Variants in GRID2 observed in about 807,000 individuals in gnomAD.
GRID2 encodes the protein glutamate ionotropic receptor delta type subunit 2, also known as glutamate receptor ionotropic, delta-2.
In GRID2, 33 loss-of-function variants were observed where a neutral mutation model predicts 114.8. That is an observed-to-expected ratio of 0.29 (90% CI 0.22 to 0.38). The LOEUF (loss-of-function observed/expected upper bound fraction) is 0.38. Among genes scored for constraint, GRID2 ranks in the 10% least tolerant of loss-of-function variants. The probability of loss-of-function intolerance (pLI) is 1.00; values close to 1 mark genes in which losing one functional copy is unlikely to be tolerated. For missense variants in GRID2, 1,184 were observed against 1,257.7 expected (o/e 0.94, Z 0.89); for synonymous variants, 505 against 449.9 (o/e 1.12, Z -1.55).
intron 14 of GRID2, among the ~76,000 whole-genome samples, chr4:93,657,434 A>C (rs1723118203): frequency 6.6e-6 from 1 of 152,160 alleles, no homozygotes; most frequent in Non-Finnish European, 1.5e-5. Context: ...AGCTCCCACC[A>C]AATCCTAAAA....
intron 2 of GRID2, among the ~76,000 whole-genome samples, chr4:92,652,740 G>T (rs1307500679): frequency 2.8e-5 from 4 of 142,806 alleles, no homozygotes; most frequent in African/African-American, 1.0e-4. Flanking sequence ...GGAGGCTGGG[G>T]GGGTTGGGGG....
intron 10 of GRID2, among the ~76,000 whole-genome samples, chr4:93,424,450 TCAAACTCTG>T (rs1351359517): frequency 6.6e-6 from 1 of 152,172 alleles, no homozygotes; most frequent in Non-Finnish European, 1.5e-5. Context: ...TTACTGGATA[TCAAACTCTG>T]AATTTACAGG....
chr4:93,025,083 A>G (rs987294912), intron 2 of GRID2, among the ~76,000 whole-genome samples: 1 of 151,388 alleles, frequency 6.6e-6, no homozygotes, highest in Non-Finnish European at 1.5e-5. Context: ...TGATGGAAGA[A>G]TGAAGGAAGA....
At position 93,360,993 on chromosome 4, in the gene GRID2, T is replaced by G. The variant is rs561733682; in HGVS notation, c.1246-34614T>G. Among the ~76,000 whole-genome samples the G allele has an allele frequency of 1.5e-4, 23 of 152,192 alleles. No individual in the cohort carries two copies. The East Asian group carries it at 4.4e-3, about 29-fold the overall frequency. ...TATCAAATGTACTTTTATAACATTTTGCATATTGAATAATTTTTCTCCAAA... is the reference window on the plus strand; with the variant it reads ...TATCAAATGTACTTTTATAACATTTGGCATATTGAATAATTTTTCTCCAAA... On this transcript the variant is annotated intron_variant, in intron 8 of 15. Transcript: ENST00000282020.
At chr4:92,700,573 C>T (rs1010190588) in intron 2 of GRID2, among the ~76,000 whole-genome samples, 2 of 152,092 alleles carry the variant, frequency 1.3e-5, no homozygotes, top group African/African-American at 4.8e-5. Context: ...CATTAATTTA[C>T]TCAAAATGAG....
chr4:93,110,542 A>G (rs1364523087), intron 3 of GRID2, among the ~76,000 whole-genome samples: 1 of 152,204 alleles, frequency 6.6e-6, no homozygotes, highest in Non-Finnish European at 1.5e-5. Flanking sequence ...CCATTTAAAA[A>G]ATAACAATTC....
rs937356529 is a variant in GRID2 at position 93,654,994 on chromosome 4, C to G, written c.2360+28559C>G. 6.6e-5 allele frequency among the ~76,000 whole-genome samples: 10 copies of G among 152,262 alleles called. No homozygotes were observed. In the East Asian group the frequency reaches 1.5e-3, roughly 23 times the overall value. ...CAGATCCTTTATCATTCTTGATAAA[C>G]TACTGAGCATGTAATCTGAAAAGAC... On this transcript the variant is annotated intron_variant, in intron 14 of 15. Coordinates refer to ENST00000282020, the MANE Select transcript of GRID2 (RefSeq NM_001510.4).
At chr4:92,695,865 C>G (rs1330222401) in intron 2 of GRID2, among the ~76,000 whole-genome samples, 1 of 152,056 alleles carries the variant, frequency 6.6e-6, no homozygotes, top group Admixed American at 6.6e-5. Flanking sequence ...AATCTGAAAT[C>G]ATACCCTGTA....
chr4:93,463,149 A>G (rs1723911845), intron 11 of GRID2, among the ~76,000 whole-genome samples: 1 of 152,172 alleles, frequency 6.6e-6, no homozygotes, highest in Admixed American at 6.6e-5. Flanking sequence ...TTAAAACATG[A>G]CGAGGTGCCC....
At chr4:93,652,353 G>A (rs1722651741) in intron 14 of GRID2, among the ~76,000 whole-genome samples, 1 of 152,054 alleles carries the variant, frequency 6.6e-6, no homozygotes, top group South Asian at 2.1e-4. Context: ...AATTAATACA[G>A]TCATGTACCA....
At chr4:92,962,361 A>G (rs1158009181) in intron 2 of GRID2, among the ~76,000 whole-genome samples, 1 of 151,760 alleles carries the variant, frequency 6.6e-6, no homozygotes, top group African/African-American at 2.4e-5. Flanking sequence ...TCGGTCTTTT[A>G]GTGAGCCTGT....
At chr4:93,769,902 C>G (rs115870701) in intron 15 of GRID2, among the ~76,000 whole-genome samples, 128 of 152,300 alleles carry the variant, frequency 8.4e-4, no homozygotes, top group Non-Finnish European at 1.5e-3. Flanking sequence ...CTCTTCACCA[C>G]TAGTGACTGC....
chr4:93,337,660 A>G (rs1759226022), intron 8 of GRID2, among the ~76,000 whole-genome samples: 1 of 151,660 alleles, frequency 6.6e-6, no homozygotes, highest in South Asian at 2.1e-4. Context: ...AGCTGGTCAT[A>G]AACAAAAAAG....
At chr4:93,238,263 A>T in intron 7 of GRID2, 108 bp from the exon 8 acceptor site, 1 of 727,754 alleles carries the variant, frequency 1.4e-6, no homozygotes, top group Non-Finnish European at 2.1e-6. Flanking sequence ...TGCTTACTTT[A>T]AATATTATTT....
intron 2 of GRID2, among the ~76,000 whole-genome samples, chr4:92,844,101 T>C (rs974851638): frequency 2.6e-5 from 4 of 152,114 alleles, no homozygotes; most frequent in African/African-American, 9.7e-5. Context: ...TCAAATTCTA[T>C]TTTTGCTTGA....
At chr4:93,158,235 A>G (rs902741305) in intron 4 of GRID2, among the ~76,000 whole-genome samples, 2 of 151,780 alleles carry the variant, frequency 1.3e-5, no homozygotes, top group Non-Finnish European at 2.9e-5. Flanking sequence ...CTAGGGAGGG[A>G]TAGAGAATAA....
intron 2 of GRID2, among the ~76,000 whole-genome samples, chr4:92,921,285 T>C (rs1393924564): frequency 1.3e-5 from 2 of 152,116 alleles, no homozygotes; most frequent in African/African-American, 4.8e-5. Flanking sequence ...TTCTTTACCG[T>C]GGGTTCGAAC....
intron 2 of GRID2, among the ~76,000 whole-genome samples, chr4:92,632,492 T>C (rs1730856347): frequency 6.6e-6 from 1 of 151,864 alleles, no homozygotes; most frequent in Non-Finnish European, 1.5e-5. Flanking sequence ...AATGAGCTGG[T>C]CATAGTGGCA....
At chr4:92,311,421 C>T (rs566272338) in intron 1 of GRID2, among the ~76,000 whole-genome samples, 1 of 152,132 alleles carries the variant, frequency 6.6e-6, no homozygotes, top group South Asian at 2.1e-4. Context: ...ACAGGGAAGC[C>T]AAGTGAACAC....
Sources: allele counts gnomAD v4.1 joint callset (sites outside exome capture counted in the v4.1 genomes callset), GRCh38; gene constraint gnomAD v4.1.1; transcripts MANE v1.5; gene names NCBI Gene and HGNC (gene_info 2026-07-23, HGNC 2026-07-21).